The following PRMT3 variants were observed in gnomAD, a reference collection of about 807,000 sequenced individuals.
PRMT3 encodes protein arginine methyltransferase 3, also known as protein arginine N-methyltransferase 3.
PRMT3 carries 62 observed loss-of-function variants against 71.9 expected under a neutral mutation model. The observed-to-expected ratio is 0.86, with a 90% CI of 0.70 to 1.07. The LOEUF is 1.07. Among genes scored for constraint, PRMT3 ranks in the 50% least tolerant of loss-of-function variants. The pLI, the probability that PRMT3 is intolerant of heterozygous loss-of-function variation, is 0.00. For synonymous variants in PRMT3, 213 were observed against 220.4 expected (o/e 0.97, Z 0.30); for missense variants, 663 against 643.0 (o/e 1.03, Z -0.34).
chr11:20,436,455 C>T (rs983841085), intron 10 of PRMT3, among the ~76,000 whole-genome samples: 14 of 152,064 alleles, frequency 9.2e-5, no homozygotes, highest in Non-Finnish European at 8.8e-5. Flanking sequence ...GTGTTAGGTA[C>T]GTTCCTTCTA....
intron 9 of PRMT3, among the ~76,000 whole-genome samples, chr11:20,409,902 T>G (rs1330939360): frequency 6.6e-6 from 1 of 152,032 alleles, no homozygotes; most frequent in Non-Finnish European, 1.5e-5. Flanking sequence ...TTCTCAAAAT[T>G]TTATTGTTGA....
intron 10 of PRMT3, among the ~76,000 whole-genome samples, chr11:20,436,986 G>T (rs1258649819): frequency 6.6e-6 from 1 of 151,956 alleles, no homozygotes; most frequent in Admixed American, 6.6e-5. Context: ...TCTATTCCTG[G>T]TTCAATCTTG....
intron 13 of PRMT3, among the ~76,000 whole-genome samples, chr11:20,465,698 C>G (rs1349966782): frequency 1.3e-5 from 2 of 151,772 alleles, no homozygotes; most frequent in East Asian, 3.9e-4. Flanking sequence ...ATTTAAATAT[C>G]CAGATTAAAG....
At chr11:20,505,528 A>G (rs1346553938) in intron 15 of PRMT3, among the ~76,000 whole-genome samples, 1 of 152,230 alleles carries the variant, frequency 6.6e-6, no homozygotes, top group East Asian at 1.9e-4. Context: ...GTTAAACCCA[A>G]TAACCAAGTT....
chr11:20,418,947 T>C (rs1849367896), intron 9 of PRMT3, among the ~76,000 whole-genome samples: 1 of 152,158 alleles, frequency 6.6e-6, no homozygotes, highest in Non-Finnish European at 1.5e-5. Flanking sequence ...CCCACCCACC[T>C]CCACTGCTCT....
At chr11:20,442,972 A>T (rs937174530) in intron 10 of PRMT3, among the ~76,000 whole-genome samples, 2 of 152,144 alleles carry the variant, frequency 1.3e-5, no homozygotes, top group African/African-American at 4.8e-5. Flanking sequence ...CAAGGCAGGA[A>T]GATTGCTTGA....
intron 9 of PRMT3, among the ~76,000 whole-genome samples, chr11:20,424,116 G>A (rs1229771794): frequency 4.0e-5 from 6 of 150,724 alleles, no homozygotes; most frequent in African/African-American, 7.3e-5. Flanking sequence ...CCCGGGAGGT[G>A]GAGCTTACAG....
At position 20,488,256 on chromosome 11, in the gene PRMT3, C is replaced by T. The variant is rs573181568; in HGVS notation, c.1348-5663C>T. Reference sequence around the variant, plus strand: ...ATGTCTTCTTAAACGCCATTTATTACTAGCACAGTTCATGCTCTGTATGTG... The same window carrying T: ...ATGTCTTCTTAAACGCCATTTATTATTAGCACAGTTCATGCTCTGTATGTG... On this transcript the variant is annotated intron_variant, in intron 13 of 15. Coordinates refer to ENST00000331079, the MANE Select transcript of PRMT3 (RefSeq NM_005788.4). Among the ~76,000 whole-genome samples, 6 of 152,290 alleles carry T rather than the reference C, an allele frequency of 3.9e-5. No homozygotes were observed. In the South Asian group the frequency reaches 1.0e-3, roughly 26 times the overall value.
rs1419914597 is a variant in PRMT3 at position 20,392,171 on chromosome 11, A to T, written c.248-40A>T. The stretch of plus-strand genomic sequence containing the variant: ...AGAATAGGTCAGTTAAACAAAACTC[A>T]TTATGTTAACATAGGTGAATTATCT... On this transcript the variant is annotated intron_variant, in intron 3 of 15. Transcript: ENST00000331079. 1.9e-6 allele frequency: 3 copies of T among 1,550,606 alleles called. No individual in the cohort carries two copies. The Admixed American group carries it at 5.6e-5, about 29-fold the overall frequency.
chr11:20,404,211 G>GTTTTTGTTTTTTTTTTTTTTTTTTTT lies in PRMT3; in HGVS notation c.771+1232_771+1233insGTTTTTTTTTTTTTTTTTTTTTTTTT, dbSNP rs1849013771. Reference sequence around the variant, plus strand: ...GTTACTATAGTGGAGACTTTTCATAGTTTTTTTTTTTTTTTTTTTTTTTTT... The same window carrying GTTTTTGTTTTTTTTTTTTTTTTTTTT: ...GTTACTATAGTGGAGACTTTTCATAGTTTTTGTTTTTTTTTTTTTTTTTTTTTTTTTTTTTTTTTTTTTTTTTTTTT... On this transcript the variant is annotated intron_variant, in intron 8 of 15. Transcript: ENST00000331079. Among the ~76,000 whole-genome samples, 2 of 34,338 alleles carry GTTTTTGTTTTTTTTTTTTTTTTTTTT rather than the reference G, an allele frequency of 5.8e-5. 1 individual carries two copies. Among genetic ancestry groups the GTTTTTGTTTTTTTTTTTTTTTTTTTT allele is most frequent in the African/African-American group, 2.7e-4 (2 of 7,480 alleles). 22.5% of individuals were successfully genotyped at this position (34,338 alleles called of 152,430 possible). A position where few individuals can be genotyped will look rare whatever the true frequency, so the allele number is the denominator to read the frequency against.
intron 10 of PRMT3, among the ~76,000 whole-genome samples, chr11:20,433,061 T>C (rs1849687842): frequency 1.3e-5 from 2 of 152,312 alleles, no homozygotes; most frequent in South Asian, 2.1e-4. Context: ...GCTTTTTTTT[T>C]CTTTCAGATC....
At chr11:20,420,315 C>A (rs1051236435) in intron 9 of PRMT3, among the ~76,000 whole-genome samples, 1 of 152,152 alleles carries the variant, frequency 6.6e-6, no homozygotes, top group Non-Finnish European at 1.5e-5. Context: ...AATTTAGTAT[C>A]CATTCAATGT....
chr11:20,423,236 T>C (rs1849465666), intron 9 of PRMT3, among the ~76,000 whole-genome samples: 1 of 152,208 alleles, frequency 6.6e-6, no homozygotes, highest in South Asian at 2.1e-4. Flanking sequence ...ACTAATTTTT[T>C]AATATTTCCT....
chr11:20,395,754 T>C (rs1848810802), intron 5 of PRMT3, 49 bp from the exon 6 acceptor site: 3 of 1,549,884 alleles, frequency 1.9e-6, no homozygotes, highest in Non-Finnish European at 2.6e-6. Context: ...TTTATACTTG[T>C]TTTATTGTTA....
chr11:20,429,168 T>G (rs2133355698), intron 10 of PRMT3, among the ~76,000 whole-genome samples: 1 of 152,322 alleles, frequency 6.6e-6, no homozygotes. Flanking sequence ...TGGAAGACAG[T>G]TTTCCCATGG....
chr11:20,477,201 G>A (rs1248651060), intron 13 of PRMT3, among the ~76,000 whole-genome samples: 1 of 152,192 alleles, frequency 6.6e-6, no homozygotes, highest in African/African-American at 2.4e-5. Flanking sequence ...AGGTCTTTCA[G>A]TGTGTGCATT....
intron 15 of PRMT3, among the ~76,000 whole-genome samples, chr11:20,506,507 A>G (rs540045068): frequency 3.1e-4 from 47 of 151,950 alleles, no homozygotes; most frequent in South Asian, 1.9e-3. Context: ...CTTTTTTGCA[A>G]AGATGTAGAG....
chr11:20,410,464 T>TA (rs1328903884), intron 9 of PRMT3, among the ~76,000 whole-genome samples: 3 of 143,972 alleles, frequency 2.1e-5, no homozygotes, highest in Non-Finnish European at 3.0e-5. Context: ...AAACAATTTC[T>TA]AAAAAAAATT....
intron 13 of PRMT3, among the ~76,000 whole-genome samples, chr11:20,476,835 A>ATTTGCTAATTCCCCAAG (rs1458803552): frequency 6.6e-6 from 1 of 151,880 alleles, no homozygotes; most frequent in South Asian, 2.1e-4. Flanking sequence ...TTAAGATGTA[A>ATTTGCTAATTCCCCAAG]TTTGCTAATT....
Sources: allele counts gnomAD v4.1 joint callset (sites outside exome capture counted in the v4.1 genomes callset), GRCh38; gene constraint gnomAD v4.1.1; transcripts MANE v1.5; gene names NCBI Gene and HGNC (gene_info 2026-07-23, HGNC 2026-07-21).